Variants in GRID1 observed in about 807,000 individuals in gnomAD.
The protein encoded by GRID1 is glutamate ionotropic receptor delta type subunit 1, also known as glutamate receptor ionotropic, delta-1.
In GRID1, 28 loss-of-function variants were observed where a neutral mutation model predicts 98.0. The observed-to-expected ratio is 0.29, with a 90% CI of 0.21 to 0.39. GRID1 has a LOEUF of 0.39. Among genes scored for constraint, GRID1 ranks in the 10% least tolerant of loss-of-function variants. The probability of loss-of-function intolerance (pLI) is 1.00; values close to 1 mark genes in which losing one functional copy is unlikely to be tolerated. For missense variants in GRID1, 1,111 were observed against 1,340.5 expected (o/e 0.83, Z 2.67); for synonymous variants, 553 against 538.5 (o/e 1.03, Z -0.37).
intron 8 of GRID1, among the ~76,000 whole-genome samples, chr10:85,809,765 C>T (rs1320994012): frequency 6.6e-6 from 1 of 152,148 alleles, no homozygotes; most frequent in East Asian, 1.9e-4. Context: ...GCAAGGCACC[C>T]TCCCTCTGCT....
At chr10:85,696,468 T>C (rs1172412050) in intron 12 of GRID1, among the ~76,000 whole-genome samples, 1 of 152,016 alleles carries the variant, frequency 6.6e-6, no homozygotes, top group African/African-American at 2.4e-5. Flanking sequence ...AGAAAACTAT[T>C]CATGATGTTC....
At chr10:86,136,475 C>A (rs1043917582) in intron 4 of GRID1, among the ~76,000 whole-genome samples, 2 of 152,176 alleles carry the variant, frequency 1.3e-5, no homozygotes, top group African/African-American at 4.8e-5. Context: ...GGAGTAAAAT[C>A]CGGACTTGAA....
At chr10:85,930,228 CGGTTATTTTTAACTA>C (rs1564629185) in intron 4 of GRID1, among the ~76,000 whole-genome samples, 1 of 146,854 alleles carries the variant, frequency 6.8e-6, no homozygotes, top group African/African-American at 2.5e-5. Flanking sequence ...AAATAACTTG[CGGTTATTTTTAACTA>C]CAAATAACTT....
intron 4 of GRID1, among the ~76,000 whole-genome samples, chr10:85,997,156 C>T (rs140193050): frequency 6.6e-6 from 1 of 152,150 alleles, no homozygotes; most frequent in African/African-American, 2.4e-5. Context: ...AATCTCAGCA[C>T]TTTGGGAGGC....
intron 4 of GRID1, among the ~76,000 whole-genome samples, chr10:86,108,101 CT>C (rs1844420800): frequency 1.3e-5 from 2 of 152,296 alleles, no homozygotes; most frequent in South Asian, 4.1e-4. Context: ...CACATGCCCA[CT>C]GGGGCTTCAG....
chr10:85,961,893 G>A (rs1000117151), intron 4 of GRID1, among the ~76,000 whole-genome samples: 5 of 151,412 alleles, frequency 3.3e-5, no homozygotes, highest in African/African-American at 1.2e-4. Flanking sequence ...AAGGAGGGAA[G>A]GAAAAGGAGA....
chr10:85,654,841 T>C (rs1840876081), intron 12 of GRID1, among the ~76,000 whole-genome samples: 1 of 152,214 alleles, frequency 6.6e-6, no homozygotes, highest in Admixed American at 6.5e-5. Context: ...GGTGCCCTGG[T>C]CCCAAATCAG....
chr10:86,360,517 A>G (rs1475199761), intron 2 of GRID1, among the ~76,000 whole-genome samples: 7 of 152,262 alleles, frequency 4.6e-5, no homozygotes, highest in African/African-American at 1.7e-4. Context: ...AATCAGGGAA[A>G]AAAGTAAGAG....
At chr10:85,756,083 T>C (rs559232453) in intron 8 of GRID1, among the ~76,000 whole-genome samples, 299 of 152,252 alleles carry the variant, frequency 2.0e-3, no homozygotes, top group African/African-American at 6.8e-3. Context: ...CCCCCCCTAG[T>C]GGGAGCCTGA....
intron 3 of GRID1, among the ~76,000 whole-genome samples, chr10:86,171,601 TG>T (rs1845489062): frequency 6.6e-6 from 1 of 152,080 alleles, no homozygotes; most frequent in African/African-American, 2.4e-5. Context: ...GCAGGTAGGG[TG>T]GGGGCTGTGC....
chr10:85,984,124 C>G (rs1842579344), intron 4 of GRID1, among the ~76,000 whole-genome samples: 1 of 152,098 alleles, frequency 6.6e-6, no homozygotes, highest in Admixed American at 6.5e-5. Context: ...TCACCTCTCC[C>G]TGCACCACAG....
chr10:85,690,210 A>C (rs1203640329), intron 12 of GRID1, among the ~76,000 whole-genome samples: 1 of 152,138 alleles, frequency 6.6e-6, no homozygotes, highest in African/African-American at 2.4e-5. Context: ...GCTTAGATTT[A>C]ATTGTCTTTA....
Position 86,363,952 on chromosome 10 carries a change from G to A in GRID1, c.224C>T (p.Ala75Val). 6.2e-7 allele frequency: 1 copy of A among 1,613,974 alleles called. No individual in the cohort carries two copies. The highest frequency in any genetic ancestry group is 8.5e-7 in the Non-Finnish European group (1 of 1,179,848). The change falls in exon 2 of 16, where the codon GCT (alanine) becomes GTT (valine). Residue 75 changes from alanine (A) to valine (V), a missense_variant. Ala to Val is a moderately conservative substitution (Grantham distance 64). Transcript: ENST00000327946. ...KVIEANNPFQ[A>V]VQEACDLMTQ... is the part of the protein sequence containing the mutation. ...CAGCGGTCACTCACCTTCCTGCACAGCCTGGAATGGGTTGTTGGCCTCGAT... is the reference window on the plus strand; with the variant it reads ...CAGCGGTCACTCACCTTCCTGCACAACCTGGAATGGGTTGTTGGCCTCGAT...
intron 4 of GRID1, among the ~76,000 whole-genome samples, chr10:85,932,865 G>A (rs1242405796): frequency 6.6e-6 from 1 of 152,126 alleles, no homozygotes; most frequent in Non-Finnish European, 1.5e-5. Flanking sequence ...AAAATCGGCA[G>A]CAAAACAAAA....
intron 8 of GRID1, among the ~76,000 whole-genome samples, chr10:85,798,082 G>A (rs376950798): frequency 7.9e-5 from 12 of 152,286 alleles, no homozygotes; most frequent in East Asian, 3.9e-4. Flanking sequence ...ATATGAGTAC[G>A]TGTCTTTTGA....
intron 15 of GRID1, among the ~76,000 whole-genome samples, chr10:85,611,936 C>T (rs974941208): frequency 6.6e-6 from 1 of 152,214 alleles, no homozygotes; most frequent in African/African-American, 2.4e-5. Context: ...TGTCTTCCTT[C>T]CCTTCTGAGC....
intron 5 of GRID1, among the ~76,000 whole-genome samples, chr10:85,906,340 A>T (rs1841460717): frequency 6.6e-6 from 1 of 152,180 alleles, no homozygotes; most frequent in Non-Finnish European, 1.5e-5. Context: ...AATAATTGAT[A>T]GAAAAAGTAG....
At chr10:86,116,675 T>C (rs543611924) in intron 4 of GRID1, among the ~76,000 whole-genome samples, 1 of 152,264 alleles carries the variant, frequency 6.6e-6, no homozygotes, top group South Asian at 2.1e-4. Context: ...GGGGTTGACT[T>C]GAATTTAATT....
intron 2 of GRID1, among the ~76,000 whole-genome samples, chr10:86,342,667 G>A (rs1848326833): frequency 6.6e-6 from 1 of 152,180 alleles, no homozygotes; most frequent in Non-Finnish European, 1.5e-5. Context: ...CCTCCAGGAA[G>A]CCCTAGGGAG....
Sources: allele counts gnomAD v4.1 joint callset (sites outside exome capture counted in the v4.1 genomes callset), GRCh38; gene constraint gnomAD v4.1.1; transcripts MANE v1.5; gene names NCBI Gene and HGNC (gene_info 2026-07-23, HGNC 2026-07-21).